Variants in RBM20 observed in about 807,000 individuals in gnomAD.
RBM20 encodes the protein RNA binding motif protein 20, also known as RNA-binding protein 20.
In RBM20, 51 loss-of-function variants were observed where a neutral mutation model predicts 110.1. The observed-to-expected ratio is 0.46, with a 90% CI of 0.37 to 0.59. The LOEUF is 0.59. RBM20 is among the 20% of genes least tolerant of loss of function. RBM20 has a pLI of 0.00. For synonymous variants in RBM20, 589 were observed against 618.2 expected, an observed-to-expected ratio of 0.95 and a Z score of 0.70; for missense variants, 1,512 against 1,574.9, an observed-to-expected ratio of 0.96 and a Z score of 0.68.
At chr10:110,803,133 A>T (rs1279906236) in intron 7 of RBM20, among the ~76,000 whole-genome samples, 2 of 152,232 alleles carry the variant, frequency 1.3e-5, no homozygotes, top group African/African-American at 4.8e-5. Context: ...AGAAGTTTAC[A>T]TACATTATTT....
chr10:110,779,720 G>T (rs1050058114), intron 1 of RBM20, among the ~76,000 whole-genome samples: 10 of 152,296 alleles, frequency 6.6e-5, no homozygotes, highest in East Asian at 3.9e-4. Context: ...CTGCAGAACT[G>T]GTTGCTTGCT....
At chr10:110,691,834 A>G (rs1862590150) in intron 1 of RBM20, among the ~76,000 whole-genome samples, 1 of 152,096 alleles carries the variant, frequency 6.6e-6, no homozygotes, top group Non-Finnish European at 1.5e-5. Flanking sequence ...TGTCATACCC[A>G]AGAAGTCATT....
intron 2 of RBM20, among the ~76,000 whole-genome samples, chr10:110,782,136 G>A (rs1844361703): frequency 6.6e-6 from 1 of 152,234 alleles, no homozygotes; most frequent in Non-Finnish European, 1.5e-5. Flanking sequence ...AGCTGAGGCT[G>A]AGTAGGGGAG....
At chr10:110,725,459 C>T (rs192412263) in intron 1 of RBM20, among the ~76,000 whole-genome samples, 18 of 152,320 alleles carry the variant, frequency 1.2e-4, no homozygotes, top group African/African-American at 4.1e-4. Flanking sequence ...CTATGTTTCT[C>T]AGTTACTTCT....
chr10:110,686,804 T>C (rs1974330), intron 1 of RBM20, among the ~76,000 whole-genome samples: 44,320 of 151,896 alleles, frequency 0.29, 6,638 homozygotes, highest in East Asian at 0.34. Flanking sequence ...TTTGGGAGGC[T>C]GAGGCAGGCA....
Position 110,739,217 on chromosome 10 carries a change from G to A in RBM20, c.192-41584G>A, listed in dbSNP as rs1358890294. Among the ~76,000 whole-genome samples the A allele has an allele frequency of 1.3e-5, 2 of 152,190 alleles. No individual in the cohort carries two copies. Among genetic ancestry groups the A allele is most frequent in the Non-Finnish European group, 1.5e-5 (1 of 68,038 alleles). ...TATGTAACTACTTTAGTACAGTTGA[G>A]GGCTCTTGAAGTCATGCTGTGTTTT... On this transcript the variant is annotated intron_variant, in intron 1 of 13. Transcript: ENST00000369519. This position sits in a 1 kb window ranked among gnomAD's most constrained non-coding sequence, Gnocchi z 4.1.
At chr10:110,811,225 A>G (rs1431270129) in intron 8 of RBM20, among the ~76,000 whole-genome samples, 1 of 149,746 alleles carries the variant, frequency 6.7e-6, no homozygotes, top group Non-Finnish European at 1.5e-5. Context: ...ATGATGGTCA[A>G]GGCAGCCTGG....
At chr10:110,732,951 T>C (rs1843634160) in intron 1 of RBM20, among the ~76,000 whole-genome samples, 1 of 152,220 alleles carries the variant, frequency 6.6e-6, no homozygotes, top group Non-Finnish European at 1.5e-5. Context: ...TCAGGGCTAC[T>C]CACCAGGCTC....
rs144382632 is a variant in RBM20 at position 110,741,334 on chromosome 10, A to G, written c.192-39467A>G. ...CACAGATAATAGAGAAATAACAGGT[A>G]TCTGCCTCTGTCATCTTTCCTGAGC... On this transcript the variant is annotated intron_variant, in intron 1 of 13. Coordinates refer to ENST00000369519, the MANE Select transcript of RBM20 (RefSeq NM_001134363.3). Among the ~76,000 whole-genome samples the G allele has an allele frequency of 4.7e-3, 714 of 152,358 alleles. 5 individuals are homozygous for G. Among genetic ancestry groups the G allele is most frequent in the Middle Eastern group, 0.02 (6 of 294 alleles).
At chr10:110,789,744 G>C (rs1003354314) in intron 5 of RBM20, among the ~76,000 whole-genome samples, 1 of 152,160 alleles carries the variant, frequency 6.6e-6, no homozygotes, top group African/African-American at 2.4e-5. Flanking sequence ...ATTTGTGTCT[G>C]TCCTCAGCCC....
intron 1 of RBM20, among the ~76,000 whole-genome samples, chr10:110,712,455 T>C (rs1311362717): frequency 1.3e-5 from 2 of 152,204 alleles, no homozygotes; most frequent in Non-Finnish European, 2.9e-5. Context: ...TCAATCTTTA[T>C]TGATTGAGGC....
chr10:110,823,653 A>G (rs1180668937), intron 12 of RBM20, 39 bp downstream of exon 12: 4 of 1,547,132 alleles, frequency 2.6e-6, no homozygotes, highest in Admixed American at 2.0e-5. Flanking sequence ...ATTCAGGTCT[A>G]GGAAATAACA....
chr10:110,835,339 C>CTTTTTTTTTTTTTTTTTT (rs35808301), intron 13 of RBM20: 2 of 104,180 alleles, frequency 1.9e-5, no homozygotes, highest in African/African-American at 3.5e-5. Context: ...TTTTTTTTTT[C>CTTTTTTTTTTTTTTTTTT]TTTTTTTTTT....
chr10:110,712,333 A>T (rs909391024), intron 1 of RBM20, among the ~76,000 whole-genome samples: 5 of 152,258 alleles, frequency 3.3e-5, no homozygotes, highest in Admixed American at 3.3e-4. Context: ...TAGTGGTGGT[A>T]TCAGTAGTAA....
At chr10:110,786,459 C>A (rs1035989673) in intron 5 of RBM20, among the ~76,000 whole-genome samples, 1 of 152,226 alleles carries the variant, frequency 6.6e-6, no homozygotes, top group Non-Finnish European at 1.5e-5. Flanking sequence ...AGACGTGAGG[C>A]CTGCCTGAGC....
chr10:110,672,487 C>T (rs1564811329), intron 1 of RBM20, among the ~76,000 whole-genome samples: 1 of 152,248 alleles, frequency 6.6e-6, no homozygotes, highest in African/African-American at 2.4e-5. Context: ...CGTCCTCCCT[C>T]GCCCGGCGGA....
intron 1 of RBM20, among the ~76,000 whole-genome samples, chr10:110,702,583 G>A (rs1862775519): frequency 6.6e-6 from 1 of 152,238 alleles, no homozygotes; most frequent in Non-Finnish European, 1.5e-5. Flanking sequence ...TTTATGATTG[G>A]CTTTGTGATC....
chr10:110,671,332 C>T (rs1467791455), intron 1 of RBM20, among the ~76,000 whole-genome samples: 1 of 152,184 alleles, frequency 6.6e-6, no homozygotes. Context: ...TATTTCTAAG[C>T]GTATGAATAT....
intron 1 of RBM20, among the ~76,000 whole-genome samples, chr10:110,717,529 C>T (rs1446153004): frequency 6.6e-6 from 1 of 152,192 alleles, no homozygotes; most frequent in Non-Finnish European, 1.5e-5. Flanking sequence ...TGTCCCCTGG[C>T]CATCTGGAAT....
Sources: gnomAD v4.1 joint callset for allele counts (sites outside exome capture counted in the v4.1 genomes callset) on GRCh38, gnomAD v4.1.1 for gene constraint, Gnocchi (gnomAD v3.1) non-coding constraint, MANE v1.5 for transcripts, NCBI Gene and HGNC (gene_info 2026-07-23, HGNC 2026-07-21) for gene names.